The following UTRN variants were observed in gnomAD, a reference collection of about 807,000 sequenced individuals.
The protein encoded by UTRN is utrophin, also known as dystrophin-related protein 1.
A neutral mutation model predicts 463.9 loss-of-function variants in UTRN; 283 were observed. The ratio of observed to expected loss-of-function variants is 0.61; its 90% CI spans 0.55 to 0.67. UTRN has a LOEUF of 0.67. UTRN is among the 30% of genes least tolerant of loss of function. The pLI is 0.00. For missense variants in UTRN, 3,922 were observed against 4,084.3 expected, an observed-to-expected ratio of 0.96 and a Z score of 1.08; for synonymous variants, 1,442 against 1,431.5, an observed-to-expected ratio of 1.01 and a Z score of -0.17.
chr6:144,474,405 A>G (rs1790976619), intron 24 of UTRN, among the ~76,000 whole-genome samples, 199 bp from the exon 25 acceptor site: 1 of 152,158 alleles, frequency 6.6e-6, no homozygotes, highest in African/African-American at 2.4e-5. Flanking sequence ...AAGTATTTCC[A>G]GTCTAATTTG....
intron 48 of UTRN, among the ~76,000 whole-genome samples, chr6:144,551,372 C>G (rs918718696): frequency 3.3e-5 from 5 of 152,038 alleles, no homozygotes; most frequent in Non-Finnish European, 7.4e-5. Flanking sequence ...CTTAGGCTTT[C>G]TTTTAGAGGA....
At chr6:144,688,851 G>A (rs1268610885) in intron 52 of UTRN, among the ~76,000 whole-genome samples, 2 of 152,124 alleles carry the variant, frequency 1.3e-5, no homozygotes, top group African/African-American at 2.4e-5. Flanking sequence ...CAGGTTTCAG[G>A]CCAGTAGTGG....
chr6:144,539,220 G>C (rs1243365848), intron 44 of UTRN, 74 bp from the exon 45 acceptor site: 2 of 1,399,228 alleles, frequency 1.4e-6, no homozygotes, highest in Non-Finnish European at 1.9e-6. Context: ...ATACCAAAAA[G>C]GTTTCTAATA....
At chr6:144,768,292 TTATTGGCTTAA>T (rs1793586117) in intron 58 of UTRN, among the ~76,000 whole-genome samples, 1 of 152,206 alleles carries the variant, frequency 6.6e-6, no homozygotes, top group Non-Finnish European at 1.5e-5. Context: ...CTTCTTAACC[TTATTGGCTTAA>T]TATTTTAATA....
intron 33 of UTRN, among the ~76,000 whole-genome samples, chr6:144,496,089 T>C (rs1373255419): frequency 1.3e-5 from 2 of 152,164 alleles, no homozygotes; most frequent in Non-Finnish European, 2.9e-5. Context: ...GCAGGAGTTG[T>C]TGAGCATTTA....
At chr6:144,713,483 G>C (rs1054033711) in intron 53 of UTRN, among the ~76,000 whole-genome samples, 6 of 150,176 alleles carry the variant, frequency 4.0e-5, no homozygotes, top group Admixed American at 2.0e-4. Context: ...GTGTGGTGGT[G>C]TATACCTGTA....
intron 34 of UTRN, among the ~76,000 whole-genome samples, chr6:144,499,977 G>C (rs1794029376): frequency 6.6e-6 from 1 of 152,142 alleles, no homozygotes; most frequent in Admixed American, 6.5e-5. Flanking sequence ...GGTACTCCAT[G>C]GTGTATATGT....
intron 51 of UTRN, among the ~76,000 whole-genome samples, chr6:144,672,706 G>A (rs1355000461): frequency 6.6e-6 from 1 of 151,884 alleles, no homozygotes; most frequent in Admixed American, 6.6e-5. Flanking sequence ...CTTTTCTTCT[G>A]CTGGATTTGG....
chr6:144,309,598 G>C (rs537948293), intron 2 of UTRN, among the ~76,000 whole-genome samples: 4 of 152,160 alleles, frequency 2.6e-5, no homozygotes, highest in African/African-American at 9.6e-5. Context: ...CATATTTTAC[G>C]ATCTCCACTG....
rs374459743 is a variant in UTRN at position 144,462,721 on chromosome 6, T to C, written c.2921T>C (p.Leu974Pro). 3.8e-5 allele frequency: 61 copies of C among 1,610,498 alleles called. No individual in the cohort carries two copies. Among genetic ancestry groups the C allele is most frequent in the Non-Finnish European group, 4.7e-5 (55 of 1,179,236 alleles). The change falls in exon 23 of 75, where the codon CTG becomes CCG. Residue 974 changes from leucine to proline, a missense_variant. Coordinates refer to ENST00000367545, the MANE Select transcript of UTRN (RefSeq NM_007124.3). The part of the protein sequence containing the change: ...LHKLAEETKA[L>P]EKNVHPDVEK... Reference sequence around the variant, plus strand: ...AAACTTGCAGAAGAAACAAAGGCTCTGGAGAAAAATGTTCATCCTGATGTA... The same window carrying C: ...AAACTTGCAGAAGAAACAAAGGCTCCGGAGAAAAATGTTCATCCTGATGTA...
chr6:144,371,524 G>T (rs1236938599), intron 2 of UTRN, among the ~76,000 whole-genome samples: 3 of 152,140 alleles, frequency 2.0e-5, no homozygotes, highest in African/African-American at 7.2e-5. Context: ...CAATTCTCCT[G>T]CCTCAGCCTC....
At chr6:144,691,024 G>A (rs546222701) in intron 52 of UTRN, among the ~76,000 whole-genome samples, 1 of 152,188 alleles carries the variant, frequency 6.6e-6, no homozygotes, top group Non-Finnish European at 1.5e-5. Context: ...CTTTCCAAGT[G>A]GAAGAAGCAT....
At chr6:144,684,387 T>G (rs749999090) in intron 52 of UTRN, among the ~76,000 whole-genome samples, 2 of 152,194 alleles carry the variant, frequency 1.3e-5, no homozygotes, top group Non-Finnish European at 2.9e-5. Flanking sequence ...TCTCCACTAT[T>G]ATTGTTGGTG....
chr6:144,637,195 C>T (rs897297913), intron 51 of UTRN, among the ~76,000 whole-genome samples: 1 of 152,130 alleles, frequency 6.6e-6, no homozygotes, highest in Non-Finnish European at 1.5e-5. Context: ...CTCCCAAACT[C>T]CTGAGCTCAA....
At chr6:144,444,448 T>A (rs1231824006) in intron 14 of UTRN, 66 bp downstream of exon 14, 13 of 1,260,666 alleles carry the variant, frequency 1.0e-5, no homozygotes, top group South Asian at 1.5e-5. Flanking sequence ...TTATTGTGAC[T>A]TTAGAATAAA....
At chr6:144,649,757 T>C (rs1028078892) in intron 51 of UTRN, among the ~76,000 whole-genome samples, 3 of 152,182 alleles carry the variant, frequency 2.0e-5, no homozygotes, top group African/African-American at 7.2e-5. Context: ...AAAACTGTCA[T>C]ATTTATTTTT....
intron 54 of UTRN, among the ~76,000 whole-genome samples, chr6:144,740,846 CAT>C (rs1789983139): frequency 6.6e-6 from 1 of 152,118 alleles, no homozygotes; most frequent in Non-Finnish European, 1.5e-5. Context: ...GTTTGATAGA[CAT>C]AGCATTTTCA....
intron 60 of UTRN, among the ~76,000 whole-genome samples, chr6:144,781,380 G>A (rs1357777775): frequency 6.6e-6 from 1 of 152,132 alleles, no homozygotes; most frequent in Admixed American, 6.5e-5. Context: ...GTGGAGAGCT[G>A]TTATTTTTCT....
Position 144,516,264 on chromosome 6 carries a change from G to A in UTRN, c.5280G>A (p.Leu1760=). ...LIAQEPLYQC[L]VTTETFETGV... ...CTCAGGAACCATTATACCAATGTTT[G>A]GTCACCACTGAAACATTTGAAACTG... Residue 1760 remains leucine (L), a synonymous_variant, in exon 38 of 75, where the codon TTG becomes TTA. Transcript: ENST00000367545. 6.2e-7 allele frequency: 1 copy of A among 1,613,548 alleles called. No individual in the cohort carries two copies. Among genetic ancestry groups the A allele is most frequent in the Non-Finnish European group, 8.5e-7 (1 of 1,179,862 alleles).
Sources: allele counts gnomAD v4.1 joint callset (sites outside exome capture counted in the v4.1 genomes callset), GRCh38; gene constraint gnomAD v4.1.1; transcripts MANE v1.5; gene names NCBI Gene and HGNC (gene_info 2026-07-23, HGNC 2026-07-21).